CDH7: variants seen among roughly 807,000 people sequenced by gnomAD.
CDH7 encodes cadherin-7.
In CDH7, 25 loss-of-function variants were observed where a neutral mutation model predicts 71.8. The ratio of observed to expected loss-of-function variants is 0.35; its 90% CI spans 0.25 to 0.49. The LOEUF (loss-of-function observed/expected upper bound fraction) is 0.49, where lower values mean the gene tolerates loss of function less well. Among genes scored for constraint, CDH7 ranks in the 20% least tolerant of loss-of-function variants. The probability of loss-of-function intolerance (pLI) is 0.99; values close to 1 mark genes in which losing one functional copy is unlikely to be tolerated. For missense variants in CDH7, 862 were observed against 974.6 expected (o/e 0.88, Z 1.54); for synonymous variants, 381 against 363.8 (o/e 1.05, Z -0.54).
At chr18:65,807,351 A>G (rs1368406951) in intron 2 of CDH7, among the ~76,000 whole-genome samples, 1 of 152,198 alleles carries the variant, frequency 6.6e-6, no homozygotes, top group African/African-American at 2.4e-5. Flanking sequence ...TACTTGGAAT[A>G]CCACAGGGAC....
chr18:65,796,759 T>C (rs769496337), intron 2 of CDH7, among the ~76,000 whole-genome samples: 57 of 152,140 alleles, frequency 3.7e-4, no homozygotes, highest in Non-Finnish European at 6.8e-4. Context: ...AGTTTTAATA[T>C]CATGCTGACT....
At chr18:65,779,070 GTTT>G (rs1320729616) in intron 2 of CDH7, among the ~76,000 whole-genome samples, 1 of 110,374 alleles carries the variant, frequency 9.1e-6, no homozygotes, top group Non-Finnish European at 1.8e-5. Context: ...TCAAATCACT[GTTT>G]GTTTGTTTGT....
chr18:65,809,868 G>A lies in CDH7; in HGVS notation c.375G>A (p.Leu125=). Residue 125 remains leucine, a synonymous_variant, in exon 3 of 12, where the codon CTG becomes CTA. Transcript: ENST00000397968. ...ACTACACGCTCCGAGCTCAAGCGCT[G>A]GATAGGCTCACCAACAAACCCGTGG... ...QAYYTLRAQA[L]DRLTNKPVEP... The A allele has an allele frequency of 6.2e-7, 1 of 1,613,922 alleles. No homozygotes were observed. Among genetic ancestry groups the A allele is most frequent in the Non-Finnish European group, 8.5e-7 (1 of 1,179,982 alleles).
At chr18:65,760,834 G>T (rs1916169634) in intron 1 of CDH7, among the ~76,000 whole-genome samples, 1 of 152,152 alleles carries the variant, frequency 6.6e-6, no homozygotes, top group Non-Finnish European at 1.5e-5. Context: ...CTACACTAGT[G>T]CACCATGTCC....
chr18:65,856,396 G>C (rs914210145), intron 7 of CDH7, among the ~76,000 whole-genome samples: 1 of 152,090 alleles, frequency 6.6e-6, no homozygotes, highest in Non-Finnish European at 1.5e-5. Flanking sequence ...AGGAAATAAA[G>C]GCAAATTGAT....
chr18:65,874,720 T>C (rs958747684), intron 11 of CDH7, among the ~76,000 whole-genome samples: 10 of 151,650 alleles, frequency 6.6e-5, no homozygotes, highest in African/African-American at 1.7e-4. Flanking sequence ...TACTTATATA[T>C]GCATATATAA....
intron 1 of CDH7, among the ~76,000 whole-genome samples, chr18:65,754,027 G>A (rs1042754073): frequency 3.3e-5 from 5 of 152,222 alleles, no homozygotes; most frequent in Admixed American, 1.3e-4. Context: ...AGTTGATACA[G>A]CTAAGATTTC....
chr18:65,859,233 G>A (rs2144031140), intron 9 of CDH7, among the ~76,000 whole-genome samples, 187 bp downstream of exon 9: 1 of 152,268 alleles, frequency 6.6e-6, no homozygotes, highest in East Asian at 1.9e-4. Context: ...TAATTGGGGT[G>A]ATGAAAATTC....
At chr18:65,776,285 T>C (rs1373572956) in intron 2 of CDH7, among the ~76,000 whole-genome samples, 3 of 151,462 alleles carry the variant, frequency 2.0e-5, no homozygotes, top group Non-Finnish European at 4.4e-5. Flanking sequence ...TTTTAATAGT[T>C]TACATATTCA....
intron 2 of CDH7, among the ~76,000 whole-genome samples, chr18:65,767,818 G>C (rs7233602): frequency 0.44 from 66,429 of 152,030 alleles, 17,128 homozygotes; most frequent in African/African-American, 0.73. Flanking sequence ...TTATAATACT[G>C]CAATAAGCAA....
rs149195267 is a variant in CDH7, at chr18:65,756,476, C to T, written c.-197+5326C>T. ...ATTCTCCATCTAGTCATAAACTATACCAGTTTTTAAAAGAGAGGCATAACT... is the reference window on the plus strand; with the variant it reads ...ATTCTCCATCTAGTCATAAACTATATCAGTTTTTAAAAGAGAGGCATAACT... On this transcript the variant is annotated intron_variant, in intron 1 of 11. Transcript: ENST00000397968. 2.7e-3 allele frequency among the ~76,000 whole-genome samples: 406 copies of T among 152,274 alleles called. 3 individuals carry two copies. The highest frequency in any genetic ancestry group is 9.3e-3 in the African/African-American group (385 of 41,546).
chr18:65,862,914 T>C lies in CDH7; in HGVS notation c.1861T>C (p.Leu621=). Residue 621 remains leucine, a synonymous_variant, in exon 11 of 12, where the codon TTG becomes CTG. Transcript: ENST00000397968. The part of the protein sequence containing the change: ...IAILACVLTL[L]VLILLIVTMR... ...CATACTCGCCTGTGTCTTGACATTA[T>C]TGGGTAGGTACTGTTTCCAGGGCTT... The C allele has an allele frequency of 1.2e-6, 2 of 1,614,106 alleles. No homozygotes were observed. The highest frequency in any genetic ancestry group is 1.7e-6 in the Non-Finnish European group (2 of 1,179,972).
intron 9 of CDH7, 96 bp from the exon 10 acceptor site, chr18:65,859,612 G>A: frequency 1.4e-6 from 1 of 719,098 alleles, no homozygotes; most frequent in Admixed American, 2.1e-5. Flanking sequence ...CAGGGAGATG[G>A]TATTTATTAT....
At chr18:65,791,630 G>C (rs1449128215) in intron 2 of CDH7, among the ~76,000 whole-genome samples, 1 of 152,190 alleles carries the variant, frequency 6.6e-6, no homozygotes, top group East Asian at 1.9e-4. Context: ...GCATGAACTA[G>C]TCCAATAATG....
chr18:65,819,467 T>C (rs1911840002), intron 4 of CDH7, among the ~76,000 whole-genome samples: 1 of 151,688 alleles, frequency 6.6e-6, no homozygotes, highest in Non-Finnish European at 1.5e-5. Context: ...AAGTCCCAAT[T>C]TGTGGGCTTG....
rs1174310266 is a variant in CDH7, at chr18:65,883,715, C to T, written c.*2821C>T. ...TTTCTCTGGAGAACAAGTTGTTAAA[C>T]ATTTACCAGCACTCTACTGCTTAAA... On this transcript the variant is annotated 3_prime_UTR_variant, in exon 12 of 12. Coordinates refer to ENST00000397968, the MANE Select transcript of CDH7 (RefSeq NM_004361.5). 6.6e-6 allele frequency: 1 copy of T among 152,048 alleles called. No individual in the cohort carries two copies. The highest frequency in any genetic ancestry group is 1.5e-5 in the Non-Finnish European group (1 of 67,950). The allele number at this position is 152,048 out of a possible 1,614,324, so 9.4% of individuals were successfully genotyped here. A position where few individuals can be genotyped will look rare whatever the true frequency, so the allele number is the denominator to read the frequency against.
intron 2 of CDH7, among the ~76,000 whole-genome samples, chr18:65,782,173 T>A (rs199712685): frequency 0.05 from 3,097 of 61,894 alleles, 575 homozygotes; most frequent in Middle Eastern, 0.14. Flanking sequence ...TTCCTTTCTT[T>A]CTTTCTTTCT....
intron 1 of CDH7, among the ~76,000 whole-genome samples, chr18:65,753,239 C>T (rs887244098): frequency 1.3e-5 from 2 of 152,090 alleles, no homozygotes; most frequent in African/African-American, 4.8e-5. Context: ...GATATAAACT[C>T]CTCAGAGTGT....
intron 4 of CDH7, among the ~76,000 whole-genome samples, chr18:65,819,682 A>C (rs1436395110): frequency 6.6e-6 from 1 of 152,104 alleles, no homozygotes. Flanking sequence ...TACTGTGAGA[A>C]GGTACTTCCT....
Sources: allele counts gnomAD v4.1 joint callset (sites outside exome capture counted in the v4.1 genomes callset), GRCh38; gene constraint gnomAD v4.1.1; transcripts MANE v1.5; gene names NCBI Gene and HGNC (gene_info 2026-07-23, HGNC 2026-07-21).